The following CCDC102B variants were observed in gnomAD, a reference collection of about 807,000 sequenced individuals.
The protein encoded by CCDC102B is coiled-coil domain containing 102B, also known as coiled-coil domain-containing protein 102B.
A neutral mutation model predicts 57.4 loss-of-function variants in CCDC102B; 75 were observed. That is an observed-to-expected ratio of 1.31 (90% confidence interval 1.08 to 1.58). The LOEUF (loss-of-function observed/expected upper bound fraction) is 1.58. Ranked by LOEUF, CCDC102B falls within the 40% of genes most tolerant of loss-of-function variation. The probability of loss-of-function intolerance (pLI) is 0.00; values close to 1 mark genes in which losing one functional copy is unlikely to be tolerated. For missense variants in CCDC102B, 636 were observed against 582.6 expected (o/e 1.09, Z -0.94); for synonymous variants, 206 against 201.9 (o/e 1.02, Z -0.17).
intron 1 of CCDC102B, among the ~76,000 whole-genome samples, chr18:68,822,267 G>T (rs1477618926): frequency 6.6e-6 from 1 of 151,936 alleles, no homozygotes; most frequent in African/African-American, 2.4e-5. Context: ...AGTGGGGCAC[G>T]CCTGTAGTCC....
At chr18:69,001,644 C>G (rs1403508502) in intron 6 of CCDC102B, among the ~76,000 whole-genome samples, 1 of 152,196 alleles carries the variant, frequency 6.6e-6, no homozygotes, top group Non-Finnish European at 1.5e-5. Context: ...GACTCCACCA[C>G]AGGGCACAGG....
chr18:68,786,165 T>C lies in CCDC102B; in HGVS notation c.-66-37201T>C, dbSNP rs541777376. Among the ~76,000 whole-genome samples the C allele has an allele frequency of 8.6e-5, 13 of 150,442 alleles. 1 individual carries two copies. In the East Asian group the frequency reaches 2.6e-3, roughly 30 times the overall value. On this transcript the variant is annotated intron_variant, in intron 2 of 3. Transcript: ENST00000578970. The stretch of plus-strand genomic sequence containing the variant: ...GATATGTGGCATTATTTCTGAGGGC[T>C]CTGTTCTGTTCCATTGATCTATATC...
intron 6 of CCDC102B, among the ~76,000 whole-genome samples, chr18:68,925,813 CT>C (rs961124691): frequency 6.6e-6 from 1 of 151,882 alleles, no homozygotes; most frequent in Non-Finnish European, 1.5e-5. Flanking sequence ...AAAAAGCCCC[CT>C]GATGAACATT....
chr18:68,821,766 T>C (rs2036700532), intron 1 of CCDC102B, among the ~76,000 whole-genome samples: 1 of 152,050 alleles, frequency 6.6e-6, no homozygotes, highest in Non-Finnish European at 1.5e-5. Flanking sequence ...TGTTAATTAG[T>C]AACTGAAACA....
rs370907479 is a variant in CCDC102B, at chr18:68,755,452, T to C, written c.-67+38858T>C. On this transcript the variant is annotated intron_variant, in intron 2 of 3. Coordinates refer to the CCDC102B transcript ENST00000578970. ...AATTCCATGCTTCAAAAGAAGATAATCCCCATTTCTCTACACATGAAAGAG... is the reference window on the plus strand; with the variant it reads ...AATTCCATGCTTCAAAAGAAGATAACCCCCATTTCTCTACACATGAAAGAG... Among the ~76,000 whole-genome samples, 4 of 152,014 alleles carry C rather than the reference T, an allele frequency of 2.6e-5. No homozygotes were observed. In the East Asian group the frequency reaches 7.7e-4, roughly 29 times the overall value.
At chr18:68,880,627 A>G (rs923447830) in intron 5 of CCDC102B, among the ~76,000 whole-genome samples, 1 of 152,228 alleles carries the variant, frequency 6.6e-6, no homozygotes, top group Non-Finnish European at 1.5e-5. Context: ...GGTGAATTGG[A>G]GAAATTCACT....
intron 5 of CCDC102B, among the ~76,000 whole-genome samples, chr18:68,880,147 G>T (rs576668287): frequency 6.6e-6 from 1 of 152,334 alleles, no homozygotes; most frequent in South Asian, 2.1e-4. Flanking sequence ...CCCCGCCCAA[G>T]GCAGCTAAGG....
intron 6 of CCDC102B, among the ~76,000 whole-genome samples, chr18:68,911,086 T>C (rs1255169382): frequency 2.6e-5 from 4 of 152,136 alleles, no homozygotes; most frequent in Non-Finnish European, 4.4e-5. Flanking sequence ...CATTACCAGG[T>C]ACATACCCAA....
intron 2 of CCDC102B, among the ~76,000 whole-genome samples, chr18:68,739,489 A>G (rs1599391355): frequency 6.6e-6 from 1 of 152,304 alleles, no homozygotes; most frequent in Admixed American, 6.5e-5. Flanking sequence ...CTAGGTCAAC[A>G]TTTTATGCAA....
intron 5 of CCDC102B, among the ~76,000 whole-genome samples, chr18:68,889,143 G>A (rs898721573): frequency 2.0e-5 from 3 of 151,636 alleles, no homozygotes; most frequent in East Asian, 3.9e-4. Context: ...CTTGTGTTCT[G>A]CCAAAATTCA....
chr18:68,944,332 A>G (rs772558359), intron 6 of CCDC102B, among the ~76,000 whole-genome samples: 1 of 152,166 alleles, frequency 6.6e-6, no homozygotes, highest in Non-Finnish European at 1.5e-5. Flanking sequence ...ACAATGTCAT[A>G]GCACATTTAA....
intron 3 of CCDC102B, among the ~76,000 whole-genome samples, chr18:68,843,672 C>A (rs1320231529): frequency 6.6e-6 from 1 of 151,980 alleles, no homozygotes; most frequent in East Asian, 1.9e-4. Flanking sequence ...TGAGCTTTGT[C>A]TTTTTAATTT....
chr18:68,912,037 G>A (rs996580061), intron 6 of CCDC102B, among the ~76,000 whole-genome samples: 4 of 152,098 alleles, frequency 2.6e-5, no homozygotes, highest in Non-Finnish European at 5.9e-5. Flanking sequence ...AAGAACAGTA[G>A]CATCACACCA....
chr18:68,897,287 G>C lies in CCDC102B; in HGVS notation c.1122G>C (p.Gln374His). 6.2e-7 allele frequency: 1 copy of C among 1,613,078 alleles called. No individual in the cohort carries two copies. Among genetic ancestry groups the C allele is most frequent in the South Asian group, 1.1e-5 (1 of 91,048 alleles). The change falls in exon 6 of 8, where the codon CAG (glutamine) becomes CAC (histidine). Residue 374 changes from glutamine (Q) to histidine (H), a missense_variant. Gln to His is a conservative substitution (Grantham distance 24, BLOSUM62 0). Coordinates refer to ENST00000360242, the MANE Select transcript of CCDC102B (RefSeq NM_024781.3). ...GGGAAATACTTGAAAGAGAAAAGCA[G>C]GGACTGGAGAGAGAAAATAGAAGGC... ...DKREILEREK[Q>H]GLERENRRLK...
intron 2 of CCDC102B, among the ~76,000 whole-genome samples, chr18:68,791,667 C>T (rs953337346): frequency 6.6e-6 from 1 of 151,544 alleles, no homozygotes; most frequent in Admixed American, 6.6e-5. Context: ...TTTAAAGCAC[C>T]TAATGTTTTA....
At chr18:68,733,724 A>G (rs2033002117) in intron 2 of CCDC102B, among the ~76,000 whole-genome samples, 1 of 152,024 alleles carries the variant, frequency 6.6e-6, no homozygotes, top group South Asian at 2.1e-4. Context: ...ACCTAAGAGG[A>G]CTTCCAAATT....
intron 2 of CCDC102B, among the ~76,000 whole-genome samples, chr18:68,755,632 T>G (rs1260477403): frequency 6.6e-6 from 1 of 152,118 alleles, no homozygotes; most frequent in East Asian, 1.9e-4. Flanking sequence ...TGCCACAAAA[T>G]TGTTAGAAAA....
intron 6 of CCDC102B, among the ~76,000 whole-genome samples, chr18:68,937,924 A>G (rs2049286604): frequency 6.6e-6 from 1 of 152,040 alleles, no homozygotes; most frequent in Non-Finnish European, 1.5e-5. Context: ...ATGTCTCTGG[A>G]AAGGACATGA....
intron 5 of CCDC102B, among the ~76,000 whole-genome samples, chr18:68,880,222 A>C (rs1454357718): frequency 6.6e-6 from 1 of 152,222 alleles, no homozygotes; most frequent in Non-Finnish European, 1.5e-5. Flanking sequence ...TACACCCTCC[A>C]CAGCCACTGG....
Sources: allele counts gnomAD v4.1 joint callset (sites outside exome capture counted in the v4.1 genomes callset), GRCh38; gene constraint gnomAD v4.1.1; transcripts MANE v1.5; gene names NCBI Gene and HGNC (gene_info 2026-07-23, HGNC 2026-07-21).